CRISP2: variants seen among roughly 807,000 people sequenced by gnomAD.
The protein encoded by CRISP2 is cysteine-rich secretory protein 2.
CRISP2 carries 29 observed loss-of-function variants against 31.7 expected under a neutral mutation model. The observed-to-expected ratio is 0.92, with a 90% confidence interval of 0.68 to 1.25. CRISP2 has a LOEUF of 1.25. Among genes scored for constraint, CRISP2 ranks in the 50% most tolerant of loss-of-function variants. CRISP2 has a pLI of 0.00. For synonymous variants in CRISP2, 111 were observed against 101.4 expected (o/e 1.09, Z -0.57); for missense variants, 318 against 286.5 (o/e 1.11, Z -0.79).
intron 4 of CRISP2, among the ~76,000 whole-genome samples, chr6:49,703,252 G>A (rs1032481548): frequency 4.0e-5 from 6 of 151,632 alleles, no homozygotes; most frequent in East Asian, 1.9e-4. Flanking sequence ...GGGGTTATGC[G>A]ATGCTTCCAG....
chr6:49,678,007 G>A, the CRISP2 span, among the ~76,000 whole-genome samples: 2 of 152,114 alleles, frequency 1.3e-5, no homozygotes, highest in African/African-American at 4.8e-5. Flanking sequence ...CTCTGCTGGA[G>A]TTCCAGTGTT....
chr6:49,688,699 C>T (rs1763961176), downstream of CRISP2, among the ~76,000 whole-genome samples: 1 of 152,076 alleles, frequency 6.6e-6, no homozygotes, highest in Non-Finnish European at 1.5e-5. Context: ...CTTTACATTA[C>T]CTTATTTCCA....
chr6:49,700,267 C>A (rs1765441695), intron 5 of CRISP2, among the ~76,000 whole-genome samples: 3 of 152,018 alleles, frequency 2.0e-5, no homozygotes, highest in Admixed American at 2.0e-4. Context: ...CATATGTAAG[C>A]CATTGCTTTC....
At chr6:49,712,737 AT>A (rs1318453957) in intron 1 of CRISP2, 133 bp from the exon 2 acceptor site, 1 of 152,178 alleles carries the variant, frequency 6.6e-6, no homozygotes, top group Non-Finnish European at 1.5e-5. Flanking sequence ...TACTGTATTT[AT>A]TTGATTTCAG....
chr6:49,696,319 G>A (rs1764737150), intron 8 of CRISP2, among the ~76,000 whole-genome samples: 1 of 152,004 alleles, frequency 6.6e-6, no homozygotes, highest in African/African-American at 2.4e-5. Context: ...AGCAGGTTGT[G>A]GCAGGAAATG....
chr6:49,698,778 CA>C (rs1400302029), intron 6 of CRISP2, among the ~76,000 whole-genome samples: 6 of 152,054 alleles, frequency 3.9e-5, no homozygotes, highest in Non-Finnish European at 7.4e-5. Flanking sequence ...CTAAATTTTC[CA>C]CATGTGTATG....
the CRISP2 span, among the ~76,000 whole-genome samples, chr6:49,686,645 C>T: frequency 4.1e-4 from 62 of 152,258 alleles, no homozygotes; most frequent in Middle Eastern, 3.4e-3. Context: ...GTTGGTGTGG[C>T]GATTCCTCAG....
chr6:49,686,970 G>A, the CRISP2 span, among the ~76,000 whole-genome samples: 2 of 151,758 alleles, frequency 1.3e-5, no homozygotes, highest in Non-Finnish European at 2.9e-5. Flanking sequence ...ACCAAACACC[G>A]TATGTTCTCA....
chr6:49,707,540 T>C (rs955011544), intron 4 of CRISP2, among the ~76,000 whole-genome samples: 1 of 152,084 alleles, frequency 6.6e-6, no homozygotes, highest in African/African-American at 2.4e-5. Flanking sequence ...TTACAGGGGA[T>C]TGGAAACAGG....
rs1011254004 is a variant in CRISP2, at chr6:49,692,646, G to A, written c.*127C>T. On this transcript the variant is annotated 3_prime_UTR_variant, in exon 10 of 10. Coordinates refer to ENST00000339139, the MANE Select transcript of CRISP2 (RefSeq NM_003296.4). ...TGAAAGTGATTTCTGTGATGATCTG[G>A]GGGAGAAGATGCATTGCTCTTTGAA... The A allele has an allele frequency of 2.4e-6, 2 of 842,572 alleles. No individual in the cohort carries two copies. Among genetic ancestry groups the A allele is most frequent in the Non-Finnish European group, 3.6e-6 (2 of 555,546 alleles). The allele number at this position is 842,572 out of a possible 1,614,324, so 52.2% of individuals were successfully genotyped here.
intron 4 of CRISP2, among the ~76,000 whole-genome samples, chr6:49,704,260 T>C (rs915574352): frequency 6.6e-6 from 1 of 152,146 alleles, no homozygotes; most frequent in Admixed American, 6.5e-5. Flanking sequence ...TTCATACTTG[T>C]ATTACTTTTT....
At chr6:49,701,904 ATGTAT>A (rs1765977077) in intron 4 of CRISP2, among the ~76,000 whole-genome samples, 1 of 37,768 alleles carries the variant, frequency 2.6e-5, no homozygotes, top group African/African-American at 1.2e-4. Flanking sequence ...ATTATATATT[ATGTAT>A]TATATATTAT....
chr6:49,708,907 G>C (rs991561144), intron 4 of CRISP2, among the ~76,000 whole-genome samples: 5 of 152,036 alleles, frequency 3.3e-5, no homozygotes, highest in Admixed American at 1.3e-4. Context: ...CTCATTTCAA[G>C]TGTTCAGTAG....
intron 3 of CRISP2, among the ~76,000 whole-genome samples, chr6:49,710,736 G>T (rs186633869): frequency 2.3e-3 from 348 of 152,046 alleles, no homozygotes; most frequent in Middle Eastern, 3.4e-3. Context: ...AAATTTTTTT[G>T]TGTGTGTGCG....
chr6:49,701,541 C>G (rs1484031263), intron 4 of CRISP2, among the ~76,000 whole-genome samples: 1 of 128,630 alleles, frequency 7.8e-6, no homozygotes, highest in African/African-American at 3.0e-5. Context: ...CACACACACA[C>G]ACAGTATATA....
At chr6:49,701,121 T>C (rs933584099) in intron 4 of CRISP2, among the ~76,000 whole-genome samples, 1 of 151,932 alleles carries the variant, frequency 6.6e-6, no homozygotes, top group African/African-American at 2.4e-5. Flanking sequence ...CGATTTCTGG[T>C]TTCAAGGGAA....
the CRISP2 span, among the ~76,000 whole-genome samples, chr6:49,683,676 AAAAAAAAAAAAAAAAAAAATAT>A: frequency 6.9e-5 from 2 of 29,110 alleles, no homozygotes; most frequent in African/African-American, 2.2e-4. Flanking sequence ...AAAAAAAAAA[AAAAAAAAAAAAAAAAAAAATAT>A]ATATATATAT....
the CRISP2 span, among the ~76,000 whole-genome samples, chr6:49,687,133 C>A: frequency 6.6e-6 from 1 of 152,108 alleles, no homozygotes. Flanking sequence ...AGCACACCAA[C>A]ATGTCACATG....
chr6:49,689,644 T>C (rs1295431855), downstream of CRISP2, among the ~76,000 whole-genome samples: 1 of 152,128 alleles, frequency 6.6e-6, no homozygotes, highest in African/African-American at 2.4e-5. Context: ...ATTTACTCCA[T>C]AACTTTTACA....
Sources: allele counts gnomAD v4.1 joint callset (sites outside exome capture counted in the v4.1 genomes callset), GRCh38; gene constraint gnomAD v4.1.1; transcripts MANE v1.5; gene names NCBI Gene and HGNC (gene_info 2026-07-23, HGNC 2026-07-21).